The following CREB5 variants were observed in gnomAD, a reference collection of about 807,000 sequenced individuals.
The protein encoded by CREB5 is cAMP responsive element binding protein 5, also known as cyclic AMP-responsive element-binding protein 5.
CREB5 carries 19 observed loss-of-function variants against 57.1 expected under a neutral mutation model. That is an observed-to-expected ratio of 0.33 (90% CI 0.23 to 0.49). CREB5 has a LOEUF of 0.49. Among genes scored for constraint, CREB5 ranks in the 20% least tolerant of loss-of-function variants. The pLI, the probability that CREB5 is intolerant of heterozygous loss-of-function variation, is 0.99. For synonymous variants in CREB5, 238 were observed against 238.3 expected, an observed-to-expected ratio of 1.00 and a Z score of 0.01; for missense variants, 579 against 671.6, an observed-to-expected ratio of 0.86 and a Z score of 1.52.
chr7:28,373,784 C>T (rs1786764264), intron 1 of CREB5, among the ~76,000 whole-genome samples: 1 of 151,916 alleles, frequency 6.6e-6, no homozygotes, highest in Non-Finnish European at 1.5e-5. Context: ...GAATGTATTC[C>T]ACATACGTAT....
At chr7:28,638,188 A>G (rs563308200) in intron 5 of CREB5, among the ~76,000 whole-genome samples, 2 of 151,906 alleles carry the variant, frequency 1.3e-5, no homozygotes, top group Admixed American at 6.6e-5. Flanking sequence ...TTAATATGGA[A>G]CAATCACTGC....
At chr7:28,346,559 G>C (rs1583695970) in intron 1 of CREB5, among the ~76,000 whole-genome samples, 1 of 152,230 alleles carries the variant, frequency 6.6e-6, no homozygotes, top group Non-Finnish European at 1.5e-5. Context: ...TCCCAACAAA[G>C]GCCTTAGCCA....
intron 6 of CREB5, among the ~76,000 whole-genome samples, chr7:28,721,825 G>A (rs1402746432): frequency 2.6e-5 from 4 of 152,178 alleles, no homozygotes; most frequent in African/African-American, 9.7e-5. Context: ...TAATTTGGAA[G>A]CGTGAACACA....
intron 5 of CREB5, among the ~76,000 whole-genome samples, chr7:28,595,241 A>G (rs1796654803): frequency 6.6e-6 from 1 of 151,908 alleles, no homozygotes; most frequent in Non-Finnish European, 1.5e-5. Context: ...TCATAGCAGC[A>G]TGGATTTGTT....
chr7:28,671,068 A>G (rs926784770), intron 5 of CREB5, among the ~76,000 whole-genome samples: 2 of 151,950 alleles, frequency 1.3e-5, no homozygotes, highest in African/African-American at 4.8e-5. Context: ...GTTCGAGACT[A>G]GCCTGGGAAA....
chr7:28,811,382 A>G (rs886857264), intron 9 of CREB5, among the ~76,000 whole-genome samples: 1 of 152,124 alleles, frequency 6.6e-6, no homozygotes, highest in African/African-American at 2.4e-5. Flanking sequence ...TTTAGGTAGA[A>G]TGTGGTTAAG....
chr7:28,339,030 G>T lies in CREB5; in HGVS notation c.-25+39589G>T, dbSNP rs113742454. On this transcript the variant is annotated intron_variant, in intron 1 of 9. Transcript: ENST00000396299. ...GGATTCTGAATTCCTTCTCTGTGTT[G>T]TCTTGAATTTCTTTGAGTTTCCTCA... Among the ~76,000 whole-genome samples the T allele has an allele frequency of 6.4e-3, 966 of 152,022 alleles. 5 individuals are homozygous for T. The highest frequency in any genetic ancestry group is 0.022 in the African/African-American group (911 of 41,484).
rs560264206 is a variant in CREB5 at position 28,452,408 on chromosome 7, C to T, written c.4-35767C>T. Among the ~76,000 whole-genome samples, 4 of 151,952 alleles carry T rather than the reference C, an allele frequency of 2.6e-5. No homozygotes were observed. In the South Asian group the frequency reaches 8.3e-4, roughly 32 times the overall value. ...CCCTAGACACATGATTATAAAAATGCCCTAAATGTAATATAACAAAGAAAT... is the reference window on the plus strand; with the variant it reads ...CCCTAGACACATGATTATAAAAATGTCCTAAATGTAATATAACAAAGAAAT... On this transcript the variant is annotated intron_variant, in intron 1 of 10. Transcript: ENST00000357727.
chr7:28,497,349 G>A (rs986639513), intron 3 of CREB5, among the ~76,000 whole-genome samples: 1 of 152,246 alleles, frequency 6.6e-6, no homozygotes, highest in Non-Finnish European at 1.5e-5. Context: ...GTTCTTACCG[G>A]ATCCTTATTA....
chr7:28,736,590 A>G lies in CREB5; in HGVS notation c.702+12258A>G, dbSNP rs145327909. Among the ~76,000 whole-genome samples the G allele has an allele frequency of 5.5e-3, 836 of 152,246 alleles. 8 individuals are homozygous for G. The highest frequency in any genetic ancestry group is 0.019 in the African/African-American group (785 of 41,542). Reference sequence around the variant, plus strand: ...TGACGTACAGGGGACAGTGCCCAGGATCATTTAGCCAGCAAGTGGCCAACA... The same window carrying G: ...TGACGTACAGGGGACAGTGCCCAGGGTCATTTAGCCAGCAAGTGGCCAACA... On this transcript the variant is annotated intron_variant, in intron 7 of 10. Transcript: ENST00000357727.
chr7:28,735,301 A>C (rs1436298530), intron 7 of CREB5, among the ~76,000 whole-genome samples: 1 of 152,202 alleles, frequency 6.6e-6, no homozygotes, highest in Non-Finnish European at 1.5e-5. Context: ...TTCTGTGTTT[A>C]TCTAACCAAG....
chr7:28,815,525 T>A lies in CREB5; in HGVS notation c.1255-2546T>A, dbSNP rs113593197. On this transcript the variant is annotated intron_variant, in intron 9 of 10. Coordinates refer to ENST00000357727, the MANE Select transcript of CREB5 (RefSeq NM_182898.4). ...CCAGGGCACCACATGTGCTGACTAG[T>A]GCTCTTTTTATAGTAAAACAGACTT... Among the ~76,000 whole-genome samples, 1,150 of 152,340 alleles carry A rather than the reference T, an allele frequency of 7.5e-3. 9 individuals carry two copies. The highest frequency in any genetic ancestry group is 0.012 in the Non-Finnish European group (800 of 68,036).
intron 1 of CREB5, among the ~76,000 whole-genome samples, chr7:28,356,157 A>T (rs1786336931): frequency 6.6e-6 from 1 of 152,236 alleles, no homozygotes; most frequent in Non-Finnish European, 1.5e-5. Context: ...TTGAATGCAG[A>T]TAGGTAAATA....
chr7:28,475,615 G>T (rs177764), intron 1 of CREB5, among the ~76,000 whole-genome samples: 43,676 of 151,628 alleles, frequency 0.29, 7,158 homozygotes, highest in Middle Eastern at 0.38. Flanking sequence ...TATAAAGAGG[G>T]TGTCACAATC....
chr7:28,779,298 G>A (rs1031062726), intron 7 of CREB5: 5 of 152,140 alleles, frequency 3.3e-5, no homozygotes, highest in South Asian at 2.1e-4. Context: ...AAAGCAGGGC[G>A]GATAGACACA....
At chr7:28,407,080 G>T (rs1435165132) in intron 1 of CREB5, among the ~76,000 whole-genome samples, 2 of 150,398 alleles carry the variant, frequency 1.3e-5, no homozygotes, top group South Asian at 4.2e-4. Context: ...ACAGAGTTTC[G>T]CTCTTGTCAC....
intron 7 of CREB5, among the ~76,000 whole-genome samples, chr7:28,744,775 C>T (rs1804601545): frequency 6.6e-6 from 1 of 152,190 alleles, no homozygotes; most frequent in African/African-American, 2.4e-5. Flanking sequence ...ATAGCAGTTT[C>T]CTAAACTGAA....
At chr7:28,461,656 A>T (rs990566551) in intron 1 of CREB5, among the ~76,000 whole-genome samples, 2 of 152,180 alleles carry the variant, frequency 1.3e-5, no homozygotes, top group African/African-American at 4.8e-5. Flanking sequence ...CTCCAATTTC[A>T]TGTCATTGTA....
At chr7:28,660,444 T>A (rs1161850753) in intron 5 of CREB5, among the ~76,000 whole-genome samples, 4 of 145,216 alleles carry the variant, frequency 2.8e-5, no homozygotes, top group Non-Finnish European at 4.5e-5. Flanking sequence ...TCTGAAGAGA[T>A]ACAACGGTAA....
Sources: allele counts gnomAD v4.1 joint callset (sites outside exome capture counted in the v4.1 genomes callset), GRCh38; gene constraint gnomAD v4.1.1; transcripts MANE v1.5; gene names NCBI Gene and HGNC (gene_info 2026-07-23, HGNC 2026-07-21).